The following DDX21 variants were observed in gnomAD, a reference collection of about 807,000 sequenced individuals.
DDX21 encodes the protein nucleolar RNA helicase 2.
A neutral mutation model predicts 90.0 loss-of-function variants in DDX21; 18 were observed. The ratio of observed to expected loss-of-function variants is 0.20; its 90% CI spans 0.14 to 0.30. DDX21 has a LOEUF of 0.30. DDX21 is among the 10% of genes least tolerant of loss of function. DDX21 has a pLI of 1.00. For synonymous variants in DDX21, 294 were observed against 318.0 expected (o/e 0.92, Z 0.80); for missense variants, 673 against 944.5 (o/e 0.71, Z 3.77).
At chr10:68,981,731 CTT>C in intron 14 of DDX21, 150 bp downstream of exon 14, 1 of 719,654 alleles carries the variant, frequency 1.4e-6, no homozygotes, top group East Asian at 2.7e-5. Context: ...TCCCCCCTAA[CTT>C]TTTAATTCTG....
In DDX21 at chr10:68,956,292, C is replaced by G. The variant is rs895571815; in HGVS notation, c.67C>G (p.Leu23Val). ...SDTAMKKGET[L>V]RKQTEEKEKK... ...CACCGCAATGAAAAAAGGGGAGACA[C>G]TGCGAAAGCAAACCGAGGAGGTGAA... Residue 23 changes from leucine to valine, a missense_variant, in exon 1 of 15, where the codon CTG becomes GTG. By Grantham distance (32) the Leu-to-Val change is conservative. Transcript: ENST00000354185. 6.2e-7 allele frequency: 1 copy of G among 1,614,104 alleles called. No individual in the cohort carries two copies. Among genetic ancestry groups the G allele is most frequent in the Non-Finnish European group, 8.5e-7 (1 of 1,180,044 alleles).
chr10:68,969,161 A>G, intron 7 of DDX21, 40 bp downstream of exon 7: 4 of 1,567,764 alleles, frequency 2.6e-6, no homozygotes, highest in Non-Finnish European at 8.6e-7. Context: ...AAAATTGTAT[A>G]TATTTTTTTC....
intron 4 of DDX21, among the ~76,000 whole-genome samples, chr10:68,964,271 T>C (rs374939594): frequency 1.2e-4 from 19 of 152,284 alleles, no homozygotes; most frequent in South Asian, 8.3e-4. Flanking sequence ...GTAGTCACTT[T>C]GGCTGTGGGT....
At position 68,983,390 on chromosome 10, in the gene DDX21, T is replaced by A. The variant is rs1033464329; in HGVS notation, c.*578T>A. 6.5e-6 allele frequency: 1 copy of A among 153,440 alleles called. No homozygotes were observed. Among genetic ancestry groups the A allele is most frequent in the Non-Finnish European group, 1.5e-5 (1 of 68,834 alleles). 9.5% of individuals were successfully genotyped at this position (153,440 alleles called of 1,614,324 possible). ...TATGCTCTAGACTTGGAAGATGTAG[T>A]ATGTTTGATGTGGATTACCTATACT... On this transcript the variant is annotated 3_prime_UTR_variant, in exon 15 of 15. Transcript: ENST00000354185.
chr10:68,967,307 G>A, intron 6 of DDX21, 104 bp downstream of exon 6: 1 of 1,132,070 alleles, frequency 8.8e-7, no homozygotes, highest in Non-Finnish European at 1.2e-6. Context: ...CCTAGTAACT[G>A]GGATTACAGG....
At chr10:68,973,724 T>G (rs1843057905) in intron 10 of DDX21, 60 bp downstream of exon 10, 2 of 1,557,804 alleles carry the variant, frequency 1.3e-6, no homozygotes, top group Non-Finnish European at 1.7e-6. Flanking sequence ...GTCTTTGGTT[T>G]CTTCAATTTT....
chr10:68,966,745 ATTTCT>A (rs1275343594), intron 5 of DDX21, among the ~76,000 whole-genome samples: 1 of 152,088 alleles, frequency 6.6e-6, no homozygotes, highest in East Asian at 1.9e-4. Context: ...CCGGCTGCAT[ATTTCT>A]TTTATGTCAC....
chr10:68,964,517 C>G (rs1206745661), intron 4 of DDX21, among the ~76,000 whole-genome samples: 1 of 152,174 alleles, frequency 6.6e-6, no homozygotes, highest in African/African-American at 2.4e-5. Context: ...CGTGTACCAC[C>G]ATGCCTGGCT....
rs1055893018 is a variant in DDX21, at chr10:68,977,664, G to C, written c.1878G>C (p.Gln626His). 1.9e-6 allele frequency: 3 copies of C among 1,612,788 alleles called. No individual in the cohort carries two copies. The African/African-American group carries it at 4.0e-5, about 22-fold the overall frequency. ...TTTCAGGTGCCACGTCCGTAGACCA[G>C]CGCTCCTTGATCAACTCAAATGTGG... The part of the protein sequence containing the change: ...AHISGATSVD[Q>H]RSLINSNVGF... Residue 626 changes from glutamine to histidine, a missense_variant, in exon 12 of 15, where the codon CAG (glutamine) becomes CAC (histidine). Gln to His is a conservative substitution (Grantham distance 24). This residue lies in a region of DDX21 where 225 missense variants were observed against 298.8 expected (regional missense o/e 0.75). Coordinates refer to ENST00000354185, the MANE Select transcript of DDX21 (RefSeq NM_004728.4).
chr10:68,967,082 A>G lies in DDX21; in HGVS notation c.969A>G (p.Ile323Met). The change falls in exon 6 of 15, where the codon ATA becomes ATG. Residue 323 changes from isoleucine to methionine, a missense_variant. By Grantham distance (10) the Ile-to-Met change is conservative. Around this residue, in one of 4 missense-constraint regions of DDX21, gnomAD observed 218 missense variants for 347.3 expected, o/e 0.63. Coordinates refer to ENST00000354185, the MANE Select transcript of DDX21 (RefSeq NM_004728.4). ...VGTPGRIKDHIQNGKLDLTKL... is the reference protein window; with the variant it reads ...VGTPGRIKDHMQNGKLDLTKL... ...CACCAGGTCGTATCAAAGACCACAT[A>G]CAGAATGGCAAACTAGATCTCACCA... 3 of 1,612,606 alleles carry G rather than the reference A, an allele frequency of 1.9e-6. No homozygotes were observed. The highest frequency in any genetic ancestry group is 2.5e-6 in the Non-Finnish European group (3 of 1,179,686).
In DDX21 at chr10:68,960,375, G is replaced by A. The variant is rs1589282422; in HGVS notation, c.531+126G>A. The A allele has an allele frequency of 1.2e-5, 12 of 969,860 alleles. No individual in the cohort carries two copies. In the East Asian group the frequency reaches 3.4e-4, roughly 27 times the overall value. 60.1% of individuals were successfully genotyped at this position (969,860 alleles called of 1,614,324 possible). A position where few individuals can be genotyped will look rare whatever the true frequency, so the allele number is the denominator to read the frequency against. ...TGATGTGTCAGCACCTTGTGGGTTG[G>A]GGGATACCTTAGGCTGACTGGGACT... On this transcript the variant is annotated intron_variant, in intron 2 of 14. Coordinates refer to ENST00000354185, the MANE Select transcript of DDX21 (RefSeq NM_004728.4).
chr10:68,956,293 T>C lies in DDX21; in HGVS notation c.68T>C (p.Leu23Pro). Residue 23 changes from leucine to proline, a missense_variant, in exon 1 of 15, where the codon CTG (leucine) becomes CCG (proline). Physicochemically the swap from Leu to Pro is moderately conservative, Grantham distance 98. Around this residue, in one of 4 missense-constraint regions of DDX21, gnomAD observed 204 missense variants for 221.6 expected, o/e 0.92. Transcript: ENST00000354185. Reference sequence around the variant, plus strand: ...ACCGCAATGAAAAAAGGGGAGACACTGCGAAAGCAAACCGAGGAGGTGAAA... The same window carrying C: ...ACCGCAATGAAAAAAGGGGAGACACCGCGAAAGCAAACCGAGGAGGTGAAA... ...SDTAMKKGET[L>P]RKQTEEKEKK... 1 of 1,614,164 alleles carries C rather than the reference T, an allele frequency of 6.2e-7. No homozygotes were observed. The highest frequency in any genetic ancestry group is 1.7e-5 in the Admixed American group (1 of 60,022).
intron 6 of DDX21, 41 bp downstream of exon 6, chr10:68,967,244 GAA>G (rs770921109): frequency 6.3e-7 from 1 of 1,583,952 alleles, no homozygotes; most frequent in South Asian, 1.1e-5. Context: ...AAGACCAAAG[GAA>G]GGGTGGTAAC....
At chr10:68,969,377 T>A (rs1351213778) in intron 7 of DDX21, among the ~76,000 whole-genome samples, 1 of 152,202 alleles carries the variant, frequency 6.6e-6, no homozygotes, top group Non-Finnish European at 1.5e-5. Context: ...CCTCCCAGGT[T>A]CAAGTGATTC....
In DDX21 at chr10:68,970,319, A is replaced by G. The variant is rs778048400; in HGVS notation, c.1355A>G (p.Gln452Arg). The G allele has an allele frequency of 1.1e-5, 18 of 1,614,036 alleles. No individual in the cohort carries two copies. In the East Asian group the frequency reaches 3.6e-4, roughly 32 times the overall value. Residue 452 changes from glutamine (Q) to arginine (R), a missense_variant, in exon 8 of 15, where the codon CAG (glutamine) becomes CGG (arginine). By Grantham distance (43) the Gln-to-Arg change is conservative (BLOSUM62 1). Around this residue, in one of 4 missense-constraint regions of DDX21, gnomAD observed 218 missense variants for 347.3 expected, o/e 0.63. Transcript: ENST00000354185. ...IIFCETKKEA[Q>R]ELSQNSAIKQ... ...TTTTGTGAAACCAAGAAAGAAGCCCAGGAGCTGTCCCAGAATTCAGCTATA... is the reference window on the plus strand; with the variant it reads ...TTTTGTGAAACCAAGAAAGAAGCCCGGGAGCTGTCCCAGAATTCAGCTATA...
intron 14 of DDX21, 147 bp downstream of exon 14, chr10:68,981,728 T>A (rs1343967093): frequency 2.7e-6 from 2 of 731,028 alleles, no homozygotes; most frequent in East Asian, 5.5e-5. Flanking sequence ...TATTCCCCCC[T>A]AACTTTTTAA....
chr10:68,982,759 A>G lies in DDX21; in HGVS notation c.2299A>G (p.Arg767Gly). 6.2e-7 allele frequency: 1 copy of G among 1,614,234 alleles called. No homozygotes were observed. The highest frequency in any genetic ancestry group is 8.5e-7 in the Non-Finnish European group (1 of 1,180,042). ...QRSGGGNKSN[R>G]SQNKGQKRSF... ...ATCAGGAGGTGGCAACAAAAGTAAC[A>G]GATCCCAAAACAAAGGCCAGAAGCG... Residue 767 changes from arginine (R) to glycine (G), a missense_variant, in exon 15 of 15, where the codon AGA becomes GGA. Coordinates refer to ENST00000354185, the MANE Select transcript of DDX21 (RefSeq NM_004728.4).
chr10:68,970,171 A>G, intron 7 of DDX21, 30 bp from the exon 8 acceptor site: 1 of 1,591,980 alleles, frequency 6.3e-7, no homozygotes, highest in Non-Finnish European at 8.5e-7. Context: ...AAGCTTTACT[A>G]AATAGATGTT....
chr10:68,968,973 A>G lies in DDX21; in HGVS notation c.1091-3A>G, dbSNP rs756818472. Reference sequence around the variant, plus strand: ...CTGACTTTTTTTTTCCCCCTCCTCAAAGATTCTGAAGACAATCCCCAAACA... The same window carrying G: ...CTGACTTTTTTTTTCCCCCTCCTCAGAGATTCTGAAGACAATCCCCAAACA... On this transcript the variant is annotated splice_polypyrimidine_tract_variant and splice_region_variant and intron_variant, in intron 6 of 14. Transcript: ENST00000354185. The G allele has an allele frequency of 6.2e-7, 1 of 1,611,710 alleles. No individual in the cohort carries two copies. Among genetic ancestry groups the G allele is most frequent in the Non-Finnish European group, 8.5e-7 (1 of 1,179,288 alleles).
Sources: allele counts gnomAD v4.1 joint callset (sites outside exome capture counted in the v4.1 genomes callset), GRCh38; gene constraint gnomAD v4.1.1; regional missense constraint gnomAD v4.1.1; transcripts MANE v1.5; gene names NCBI Gene and HGNC (gene_info 2026-07-23, HGNC 2026-07-21).